Variants in NCOA1 observed in about 807,000 individuals in gnomAD.
The protein encoded by NCOA1 is Hin-2 protein.
In NCOA1, 35 loss-of-function variants were observed where a neutral mutation model predicts 150.9. The ratio of observed to expected loss-of-function variants is 0.23; its 90% confidence interval spans 0.18 to 0.31. The LOEUF (loss-of-function observed/expected upper bound fraction) is 0.31. Ranked by LOEUF, NCOA1 falls within the 10% of genes least tolerant of loss-of-function variation. The pLI, the probability that NCOA1 is intolerant of heterozygous loss-of-function variation, is 1.00. For synonymous variants in NCOA1, 590 were observed against 630.0 expected (o/e 0.94, Z 0.95); for missense variants, 1,491 against 1,749.3 (o/e 0.85, Z 2.63).
At chr2:24,732,929 C>CA (rs111334111) in intron 17 of NCOA1, among the ~76,000 whole-genome samples, 179 of 138,890 alleles carry the variant, frequency 1.3e-3, no homozygotes, top group African/African-American at 3.3e-3. Context: ...AAAAAAGGAA[C>CA]AAAAAAAAAA....
At chr2:24,516,214 A>G (rs1297242416) in intron 1 of NCOA1, among the ~76,000 whole-genome samples, 1 of 82,232 alleles carries the variant, frequency 1.2e-5, no homozygotes, top group Non-Finnish European at 2.5e-5. Context: ...TTTTTTTGAG[A>G]CGGAGCCTCG....
At chr2:24,728,798 A>G (rs371909596) in intron 16 of NCOA1, among the ~76,000 whole-genome samples, 1 of 152,198 alleles carries the variant, frequency 6.6e-6, no homozygotes, top group African/African-American at 2.4e-5. Flanking sequence ...AGTATATTCC[A>G]TGGTATTGCA....
At chr2:24,555,377 A>G (rs1168615918) in intron 1 of NCOA1, among the ~76,000 whole-genome samples, 1 of 152,246 alleles carries the variant, frequency 6.6e-6, no homozygotes, top group Non-Finnish European at 1.5e-5. Flanking sequence ...TTTACGGGCC[A>G]GAATACGGTC....
At chr2:24,553,395 T>C (rs555350168) in intron 1 of NCOA1, among the ~76,000 whole-genome samples, 23 of 152,198 alleles carry the variant, frequency 1.5e-4, no homozygotes, top group African/African-American at 5.3e-4. Flanking sequence ...ATTTTTGTAT[T>C]TTTAGTAGAG....
chr2:24,688,475 G>T (rs1672511538), intron 8 of NCOA1, among the ~76,000 whole-genome samples: 1 of 152,076 alleles, frequency 6.6e-6, no homozygotes. Flanking sequence ...TCTCATTGTG[G>T]TTTTGATGTG....
chr2:24,723,668 T>C (rs2148629618), intron 14 of NCOA1, among the ~76,000 whole-genome samples: 1 of 152,342 alleles, frequency 6.6e-6, no homozygotes, highest in Middle Eastern at 3.4e-3. Context: ...AATTAGATCA[T>C]ATTTTAATGA....
intron 2 of NCOA1, among the ~76,000 whole-genome samples, chr2:24,565,310 A>T (rs1431723730): frequency 1.3e-5 from 2 of 152,138 alleles, no homozygotes; most frequent in Admixed American, 6.5e-5. Flanking sequence ...TTTTAATTAT[A>T]TTTTTCCAAA....
intron 3 of NCOA1, among the ~76,000 whole-genome samples, chr2:24,639,952 A>G (rs866173039): frequency 5.0e-4 from 42 of 84,298 alleles, no homozygotes; most frequent in African/African-American, 8.1e-4. Context: ...ATATATATAT[A>G]TATATATATA....
chr2:24,601,695 T>C (rs1177439509), intron 3 of NCOA1, among the ~76,000 whole-genome samples: 1 of 151,718 alleles, frequency 6.6e-6, no homozygotes, highest in African/African-American at 2.4e-5. Context: ...TACAGTGGCG[T>C]GATCTCAGCT....
intron 20 of NCOA1, among the ~76,000 whole-genome samples, chr2:24,756,866 TAAC>T (rs1363772557): frequency 6.6e-6 from 1 of 152,202 alleles, no homozygotes; most frequent in African/African-American, 2.4e-5. Flanking sequence ...ATCTTTGGTG[TAAC>T]AACAGTCCAG....
At chr2:24,506,496 T>C (rs1323990654) in intron 1 of NCOA1, among the ~76,000 whole-genome samples, 2 of 152,178 alleles carry the variant, frequency 1.3e-5, no homozygotes, top group Admixed American at 6.5e-5. Flanking sequence ...TGGGACTCAA[T>C]TGACTGTCCA....
chr2:24,494,530 G>A (rs1483838728), intron 1 of NCOA1, among the ~76,000 whole-genome samples: 1 of 152,170 alleles, frequency 6.6e-6, no homozygotes, highest in Non-Finnish European at 1.5e-5. Context: ...AAGTCATGGA[G>A]CATAGGAGAT....
intron 3 of NCOA1, among the ~76,000 whole-genome samples, chr2:24,606,647 G>A (rs1668382966): frequency 6.6e-6 from 1 of 151,964 alleles, no homozygotes; most frequent in African/African-American, 2.4e-5. Context: ...AGTATTTTTT[G>A]CTGTCTCCAT....
chr2:24,612,023 T>C (rs1668651953), intron 3 of NCOA1, among the ~76,000 whole-genome samples: 1 of 152,210 alleles, frequency 6.6e-6, no homozygotes, highest in Admixed American at 6.5e-5. Flanking sequence ...AGCTGTGTGC[T>C]TAATTGTGTT....
At chr2:24,581,309 T>A (rs957866276) in intron 2 of NCOA1, among the ~76,000 whole-genome samples, 1 of 152,194 alleles carries the variant, frequency 6.6e-6, no homozygotes, top group Non-Finnish European at 1.5e-5. Context: ...GAGGTCTCAT[T>A]ATCACGTGGC....
intron 1 of NCOA1, among the ~76,000 whole-genome samples, chr2:24,501,150 A>C (rs992391405): frequency 4.6e-5 from 7 of 152,212 alleles, no homozygotes; most frequent in Non-Finnish European, 1.0e-4. Flanking sequence ...TTTTAGCAAA[A>C]ACCTTTGCAT....
chr2:24,559,617 A>T (rs752967760), intron 1 of NCOA1, among the ~76,000 whole-genome samples: 4 of 152,114 alleles, frequency 2.6e-5, no homozygotes, highest in Non-Finnish European at 4.4e-5. Context: ...CAGCCTCAGC[A>T]TTCCTGCCTT....
intron 3 of NCOA1, among the ~76,000 whole-genome samples, chr2:24,619,087 C>A (rs1669004052): frequency 6.6e-6 from 1 of 152,174 alleles, no homozygotes; most frequent in African/African-American, 2.4e-5. Flanking sequence ...TAAAACTCTT[C>A]TGCTATAGTC....
At chr2:24,520,895 A>G (rs932398165) in intron 1 of NCOA1, among the ~76,000 whole-genome samples, 12 of 79,556 alleles carry the variant, frequency 1.5e-4, no homozygotes, top group Middle Eastern at 7.6e-3. Flanking sequence ...CTTCTCTCCT[A>G]TTGTTCTTTT....
Sources: gnomAD v4.1 joint callset for allele counts (sites outside exome capture counted in the v4.1 genomes callset) on GRCh38, gnomAD v4.1.1 for gene constraint, MANE v1.5 for transcripts, NCBI Gene and HGNC (gene_info 2026-07-23, HGNC 2026-07-21) for gene names.